The following SMTNL2 variants were observed in gnomAD, a reference collection of about 807,000 sequenced individuals.
The protein encoded by SMTNL2 is smoothelin like 2, also known as smoothelin-like protein 2.
Under a neutral mutation model 44.1 loss-of-function variants are expected in SMTNL2, and 43 were observed. That is an observed-to-expected ratio of 0.98 (90% CI 0.76 to 1.26). SMTNL2 has a LOEUF of 1.26. Among genes scored for constraint, SMTNL2 ranks in the 50% most tolerant of loss-of-function variants. SMTNL2 has a pLI of 0.00. For synonymous variants in SMTNL2, 317 were observed against 287.6 expected, an observed-to-expected ratio of 1.10 and a Z score of -1.03; for missense variants, 646 against 670.2, an observed-to-expected ratio of 0.96 and a Z score of 0.40.
At position 4,584,658 on chromosome 17, in the gene SMTNL2, G is replaced by A; in HGVS notation, c.53G>A (p.Gly18Asp). 1.6e-6 allele frequency: 2 copies of A among 1,275,102 alleles called. No homozygotes were observed. Among genetic ancestry groups the A allele is most frequent in the Non-Finnish European group, 2.0e-6 (2 of 1,014,144 alleles). The allele number at this position is 1,275,102 out of a possible 1,614,324, so 79.0% of individuals were successfully genotyped here. ...GCGCGCACTGTGCGCGAGGCGCTGG[G>A]CCGCTACGAGGCGGCGCTGGAGGGT... The part of the protein sequence containing the change: ...QEARTVREAL[G>D]RYEAALEGAV... Residue 18 changes from glycine (G) to aspartate (D), a missense_variant, in exon 1 of 8, where the codon GGC becomes GAC. Gly to Asp is a moderately conservative substitution (Grantham distance 94, BLOSUM62 -1). Coordinates refer to ENST00000389313, the MANE Select transcript of SMTNL2 (RefSeq NM_001114974.2).
intron 1 of SMTNL2, among the ~76,000 whole-genome samples, chr17:4,589,066 C>A (rs1045870091): frequency 6.6e-6 from 1 of 152,116 alleles, no homozygotes; most frequent in Admixed American, 6.5e-5. Context: ...CAGCCCTACA[C>A]CCCAGCCTGC....
chr17:4,585,152 G>A (rs1909298183), intron 1 of SMTNL2, 148 bp downstream of exon 1: 2 of 1,041,764 alleles, frequency 1.9e-6, no homozygotes, highest in South Asian at 7.6e-5. Context: ...GGGTCCTGCC[G>A]CCCCTCCGGA....
rs1212106687 is a variant in SMTNL2 at position 4,608,274 on chromosome 17, TG to T, written c.*788del. ...GATATTTATAAAAAGTAACTCCCTC[TG>T]TACCACTGACCCATTTATACATAAA... On this transcript the variant is annotated 3_prime_UTR_variant, in exon 8 of 8. Transcript: ENST00000389313. 1.3e-5 allele frequency: 2 copies of T among 152,254 alleles called. No individual in the cohort carries two copies. Among genetic ancestry groups the T allele is most frequent in the Admixed American group, 1.3e-4 (2 of 15,282 alleles). The allele number at this position is 152,254 out of a possible 1,614,324, so 9.4% of individuals were successfully genotyped here.
chr17:4,591,371 A>G (rs2150520242), intron 1 of SMTNL2, among the ~76,000 whole-genome samples: 1 of 151,552 alleles, frequency 6.6e-6, no homozygotes, highest in South Asian at 2.1e-4. Flanking sequence ...CCCCACAGAC[A>G]CTCTCAGCCG....
rs1352515784 is a variant in SMTNL2 at position 4,592,357 on chromosome 17, G to A, written c.400-4G>A. 1.2e-6 allele frequency: 2 copies of A among 1,613,484 alleles called. No individual in the cohort carries two copies. Among genetic ancestry groups the A allele is most frequent in the Non-Finnish European group, 1.7e-6 (2 of 1,179,942 alleles). On this transcript the variant is annotated splice_polypyrimidine_tract_variant and splice_region_variant and intron_variant, in intron 1 of 7. Coordinates refer to ENST00000389313, the MANE Select transcript of SMTNL2 (RefSeq NM_001114974.2). This position sits in a 1 kb window ranked among gnomAD's most constrained non-coding sequence, Gnocchi z 4.5. Reference sequence around the variant, plus strand: ...GGGTCTCGGTGACATTTGTGTCTCTGTAGAGTTTGGATCACGATGAGGCCA... The same window carrying A: ...GGGTCTCGGTGACATTTGTGTCTCTATAGAGTTTGGATCACGATGAGGCCA...
chr17:4,602,854 C>T (rs905104595), intron 7 of SMTNL2, among the ~76,000 whole-genome samples: 11 of 152,252 alleles, frequency 7.2e-5, no homozygotes, highest in East Asian at 1.9e-4. Flanking sequence ...AGCCAGGAGA[C>T]GGTGGTTGCG....
At chr17:4,602,201 A>G (rs946667627) in intron 7 of SMTNL2, among the ~76,000 whole-genome samples, 1 of 151,568 alleles carries the variant, frequency 6.6e-6, no homozygotes, top group East Asian at 1.9e-4. Flanking sequence ...GGAAATGCTC[A>G]TTGGCGCATT....
chr17:4,588,901 C>T lies in SMTNL2; in HGVS notation c.400-3460C>T, dbSNP rs551639523. 8.5e-5 allele frequency among the ~76,000 whole-genome samples: 13 copies of T among 152,346 alleles called. 1 individual carries two copies. In the South Asian group the frequency reaches 1.9e-3, roughly 22 times the overall value. On this transcript the variant is annotated intron_variant, in intron 1 of 7. Coordinates refer to ENST00000389313, the MANE Select transcript of SMTNL2 (RefSeq NM_001114974.2). Reference sequence around the variant, plus strand: ...TGGGGTTTAGGGGTTCCCCCTGCCCCACCCCACGTCTTGCTTTCCCCATCT... The same window carrying T: ...TGGGGTTTAGGGGTTCCCCCTGCCCTACCCCACGTCTTGCTTTCCCCATCT...
At chr17:4,588,446 C>T (rs944651465) in intron 1 of SMTNL2, among the ~76,000 whole-genome samples, 6 of 152,198 alleles carry the variant, frequency 3.9e-5, no homozygotes, top group Non-Finnish European at 5.9e-5. Context: ...CAGGCCAGCT[C>T]AACAGGACCT....
chr17:4,596,887 G>A lies in SMTNL2; in HGVS notation c.1017G>A (p.Leu339=), dbSNP rs1425852241. 2 of 1,511,252 alleles carry A rather than the reference G, an allele frequency of 1.3e-6. No individual in the cohort carries two copies. The highest frequency in any genetic ancestry group is 1.8e-6 in the Non-Finnish European group (2 of 1,125,224). The allele number at this position is 1,511,252 out of a possible 1,614,324, so 93.6% of individuals were successfully genotyped here. The change falls in exon 6 of 8, where the codon CTG becomes CTA. Residue 339 remains leucine (L), a synonymous_variant. Coordinates refer to ENST00000389313, the MANE Select transcript of SMTNL2 (RefSeq NM_001114974.2). ...GKGKGEARAR[L]KRSQSFGVAS... is the part of the protein sequence containing the mutation. ...GGAAAGGCGAGGCCCGGGCCAGGCT[G>A]AAGCGGTCGCAGAGCTTCGGCGTGG...
intron 1 of SMTNL2, among the ~76,000 whole-genome samples, chr17:4,587,359 C>T (rs1909384466): frequency 6.6e-6 from 1 of 152,242 alleles, no homozygotes; most frequent in South Asian, 2.1e-4. Context: ...TGCTGTCCTC[C>T]GTCTCAGGAG....
chr17:4,587,050 C>T (rs141589964), intron 1 of SMTNL2, among the ~76,000 whole-genome samples: 1 of 152,166 alleles, frequency 6.6e-6, no homozygotes, highest in Non-Finnish European at 1.5e-5. Context: ...GAATTAAAAA[C>T]CAGACCGGGG....
In SMTNL2 at chr17:4,596,976, AG is replaced by A; in HGVS notation, c.1107+1del. On this transcript the variant is annotated frameshift_variant and splice_region_variant, in exon 6 of 8. Coordinates refer to ENST00000389313, the MANE Select transcript of SMTNL2 (RefSeq NM_001114974.2). LOFTEE classifies it high-confidence loss of function. ...EWCRSKTLGY[Q>X]HVDLQNFSSS... The stretch of plus-strand genomic sequence containing the variant: ...TGCCGCAGCAAGACGCTGGGCTACC[AG>A]GTGAGCCCCGGCTCCCCTCCGGCTG... 6.6e-7 allele frequency: 1 copy of A among 1,503,926 alleles called. No individual in the cohort carries two copies. Among genetic ancestry groups the A allele is most frequent in the Non-Finnish European group, 8.9e-7 (1 of 1,119,466 alleles). The allele number at this position is 1,503,926 out of a possible 1,614,324, so 93.2% of individuals were successfully genotyped here.
In SMTNL2 at chr17:4,595,433, A is replaced by G; in HGVS notation, c.989+106A>G. The G allele has an allele frequency of 6.9e-7, 1 of 1,443,848 alleles. No homozygotes were observed. Among genetic ancestry groups the G allele is most frequent in the East Asian group, 2.4e-5 (1 of 41,320 alleles). The allele number at this position is 1,443,848 out of a possible 1,614,324, so 89.4% of individuals were successfully genotyped here. A position where few individuals can be genotyped will look rare whatever the true frequency, so the allele number is the denominator to read the frequency against. On this transcript the variant is annotated intron_variant, in intron 5 of 7. Transcript: ENST00000389313. This position sits in a 1 kb window ranked among gnomAD's most constrained non-coding sequence, Gnocchi z 5.1. ...AAGGTTCAGCCCTGTCCTGTTCCCC[A>G]GGGCGCTGTTGCCCAGGACAAGATC...
intron 7 of SMTNL2, among the ~76,000 whole-genome samples, chr17:4,604,918 G>A (rs560275531): frequency 2.3e-4 from 35 of 151,948 alleles, no homozygotes; most frequent in African/African-American, 6.8e-4. Flanking sequence ...CAATCTGCCC[G>A]CCTCGGCTTC....
Position 4,593,954 on chromosome 17 carries a change from T to C in SMTNL2, c.806+57T>C, listed in dbSNP as rs1909694511. On this transcript the variant is annotated intron_variant, in intron 4 of 7. Coordinates refer to ENST00000389313, the MANE Select transcript of SMTNL2 (RefSeq NM_001114974.2). ...CTGCGCCCCAGGTGTCTTCTCTGCTTTGGACGCAGGCCGCCCAGGGTTGGC... is the reference window on the plus strand; with the variant it reads ...CTGCGCCCCAGGTGTCTTCTCTGCTCTGGACGCAGGCCGCCCAGGGTTGGC... 2.5e-6 allele frequency: 4 copies of C among 1,596,896 alleles called. No individual in the cohort carries two copies. In the Admixed American group the frequency reaches 6.7e-5, roughly 27 times the overall value.
rs776428327 is a variant in SMTNL2, at chr17:4,596,983, C to T, written c.1107+6C>T. On this transcript the variant is annotated splice_donor_region_variant and intron_variant, in intron 6 of 7. Transcript: ENST00000389313. ...GCAAGACGCTGGGCTACCAGGTGAG[C>T]CCCGGCTCCCCTCCGGCTGCTGGGA... is the stretch of plus-strand genomic sequence containing the variant. 19 of 1,494,284 alleles carry T rather than the reference C, an allele frequency of 1.3e-5. No homozygotes were observed. In the African/African-American group the frequency reaches 2.7e-4, roughly 21 times the overall value. The allele number at this position is 1,494,284 out of a possible 1,614,324, so 92.6% of individuals were successfully genotyped here.
chr17:4,602,576 G>C (rs1270795812), intron 7 of SMTNL2, among the ~76,000 whole-genome samples: 1 of 152,122 alleles, frequency 6.6e-6, no homozygotes, highest in East Asian at 1.9e-4. Flanking sequence ...TCTCGCCTCA[G>C]CCTCCCAAAG....
At position 4,584,809 on chromosome 17, in the gene SMTNL2, GC is replaced by G; in HGVS notation, c.205del (p.Arg69GlyfsTer9). 7.5e-7 allele frequency: 1 copy of G among 1,325,690 alleles called. No individual in the cohort carries two copies. The highest frequency in any genetic ancestry group is 9.6e-7 in the Non-Finnish European group (1 of 1,040,008). 82.1% of individuals were successfully genotyped at this position (1,325,690 alleles called of 1,614,324 possible). A position where few individuals can be genotyped will look rare whatever the true frequency, so the allele number is the denominator to read the frequency against. ...TGGCCGACCTGCAGCGGGACAACCA[GC>G]GGCTGCAGGCGCAGCTCGAGCGCCT... ...TVADLQRDNQ[R>X]LQAQLERLTR... On this transcript the variant is annotated frameshift_variant, in exon 1 of 8. Coordinates refer to ENST00000389313, the MANE Select transcript of SMTNL2 (RefSeq NM_001114974.2). LOFTEE classifies it high-confidence loss of function.
Sources: gnomAD v4.1 joint callset for allele counts (sites outside exome capture counted in the v4.1 genomes callset) on GRCh38, gnomAD v4.1.1 for gene constraint, Gnocchi (gnomAD v3.1) non-coding constraint, MANE v1.5 for transcripts, NCBI Gene and HGNC (gene_info 2026-07-23, HGNC 2026-07-21) for gene names.